REPS2: variants seen among roughly 807,000 people sequenced by gnomAD.
The protein encoded by REPS2 is RALBP1 associated Eps domain containing 2.
A neutral mutation model predicts 53.6 loss-of-function variants in REPS2; 23 were observed. The observed-to-expected ratio is 0.43, with a 90% CI of 0.31 to 0.61. REPS2 has a LOEUF of 0.61. Among genes scored for constraint, REPS2 ranks in the 20% least tolerant of loss-of-function variants. The pLI is 0.11. For missense variants in REPS2, 446 were observed against 534.9 expected (o/e 0.83, Z 1.64); for synonymous variants, 238 against 218.6 (o/e 1.09, Z -0.78).
chrX:17,062,871 C>A (rs2062176357), intron 9 of REPS2, among the ~76,000 whole-genome samples: 1 of 111,985 alleles, frequency 8.9e-6, no homozygotes, highest in East Asian at 2.8e-4. Context: ...AGCTTTAATT[C>A]CCTAGTAAAC....
chrX:16,968,667 C>T (rs2060820816), intron 1 of REPS2, among the ~76,000 whole-genome samples: 2 of 104,321 alleles, frequency 1.9e-5, no homozygotes, highest in South Asian at 4.4e-4. Context: ...CACCTCCCTC[C>T]CAGACGGGGC....
chrX:16,963,412 A>G (rs2060691003), intron 1 of REPS2, among the ~76,000 whole-genome samples: 1 of 112,808 alleles, frequency 8.9e-6, no homozygotes, highest in Admixed American at 9.4e-5. Flanking sequence ...GTAATGTACT[A>G]CATAAAAATA....
intron 14 of REPS2, among the ~76,000 whole-genome samples, chrX:17,109,862 T>C (rs2062935789): frequency 8.9e-6 from 1 of 112,734 alleles, no homozygotes; most frequent in African/African-American, 3.2e-5. Context: ...TAGACACAAC[T>C]TTTTATAAAA....
chrX:17,013,624 CTGTGTGTGTGTGTG>C (rs10559340), intron 2 of REPS2, among the ~76,000 whole-genome samples: 10 of 100,188 alleles, frequency 1.0e-4, no homozygotes, highest in Non-Finnish European at 2.0e-4. Context: ...GTAGCTGGCT[CTGTGTGTGTGTGTG>C]TGTGTGTGTG....
intron 1 of REPS2, among the ~76,000 whole-genome samples, chrX:16,994,784 AC>A (rs1331375269): frequency 9.0e-6 from 1 of 111,636 alleles, no homozygotes; most frequent in Non-Finnish European, 1.9e-5. Context: ...GTAACCAAAT[AC>A]CATCTGTTCC....
the REPS2 span, among the ~76,000 whole-genome samples, chrX:17,176,626 A>G: frequency 1.1e-4 from 12 of 112,224 alleles, no homozygotes; most frequent in Non-Finnish European, 1.9e-4. Context: ...AACCCATCCT[A>G]CACTTCATTT....
chrX:17,054,806 A>G lies in REPS2; in HGVS notation c.972-2A>G. The G allele has an allele frequency of 8.3e-7, 1 of 1,210,059 alleles. No homozygotes were observed. Among genetic ancestry groups the G allele is most frequent in the Non-Finnish European group, 1.1e-6 (1 of 894,682 alleles). Reference sequence around the variant, plus strand: ...GGTACTCATGACATTTGTTTCATTTAGGGAGCTTAGTGATGCTGACTGTGA... The same window carrying G: ...GGTACTCATGACATTTGTTTCATTTGGGGAGCTTAGTGATGCTGACTGTGA... On this transcript the variant is annotated splice_acceptor_variant, in intron 7 of 17. Transcript: ENST00000357277. LOFTEE classifies it high-confidence loss of function.
chrX:17,059,996 A>AAGAGTCTCCTTTTGATAGTTTCATCC (rs2062136028), intron 8 of REPS2, among the ~76,000 whole-genome samples: 1 of 112,125 alleles, frequency 8.9e-6, no homozygotes, highest in Non-Finnish European at 1.9e-5. Flanking sequence ...TAGTTTCATC[A>AAGAGTCTCCTTTTGATAGTTTCATCC]AAAGTCTCCT....
At chrX:16,985,075 G>T (rs752836507) in intron 1 of REPS2, among the ~76,000 whole-genome samples, 1 of 111,484 alleles carries the variant, frequency 9.0e-6, no homozygotes, top group Non-Finnish European at 1.9e-5. Flanking sequence ...TTAGAAAGGG[G>T]CTCAGTTTAT....
rs68090119 is a variant in REPS2, at chrX:16,953,100, AACACACACACACACACACAC to A, written c.273+5992_273+6011del. 8.5e-4 allele frequency among the ~76,000 whole-genome samples: 83 copies of A among 97,235 alleles called. 1 individual carries two copies. The highest frequency in any genetic ancestry group is 2.2e-3 in the East Asian group (7 of 3,149). 84.4% of individuals were successfully genotyped at this position (97,235 alleles called of 115,157 possible). On this transcript the variant is annotated intron_variant, in intron 1 of 17. Coordinates refer to ENST00000357277, the MANE Select transcript of REPS2 (RefSeq NM_004726.3). Reference sequence around the variant, plus strand: ...TCAAAAACAAACAAACCAAAAAACAAACACACACACACACACACACACACACACACACACACACACACACA... The same window carrying A: ...TCAAAAACAAACAAACCAAAAAACAAACACACACACACACACACACACACA...
At chrX:17,153,947 A>G (rs751958042), downstream of REPS2, among the ~76,000 whole-genome samples, 2 of 111,432 alleles carry the variant, frequency 1.8e-5, no homozygotes, top group Admixed American at 9.5e-5. Flanking sequence ...ATCTGAGATA[A>G]TCTATGCAAG....
intron 1 of REPS2, among the ~76,000 whole-genome samples, chrX:16,966,973 T>C (rs992952487): frequency 1.8e-4 from 20 of 112,335 alleles, no homozygotes; most frequent in African/African-American, 6.1e-4. Context: ...TCTTGTGTAT[T>C]GGAAGACTTG....
chrX:17,004,924 C>T (rs1367279279), intron 1 of REPS2, among the ~76,000 whole-genome samples: 2 of 109,843 alleles, frequency 1.8e-5, no homozygotes, highest in Non-Finnish European at 3.8e-5. Context: ...TAGTCTTGAA[C>T]TCTTGGCCTC....
downstream of REPS2, among the ~76,000 whole-genome samples, chrX:17,157,712 GCCTTCTCTCC>G (rs2063625044): frequency 8.9e-6 from 1 of 112,205 alleles, no homozygotes. Context: ...AGAGCCCTCA[GCCTTCTCTCC>G]CTTTCTCTCA....
At chrX:17,184,094 T>C in the REPS2 span, among the ~76,000 whole-genome samples, 522 of 109,131 alleles carry the variant, frequency 4.8e-3, 6 homozygotes, top group African/African-American at 0.016. Context: ...TAGTTACATA[T>C]GTATACATGT....
intron 5 of REPS2, among the ~76,000 whole-genome samples, chrX:17,040,806 C>T (rs756584092): frequency 2.7e-5 from 3 of 111,929 alleles, no homozygotes; most frequent in South Asian, 7.4e-4. Context: ...AGATTGTCTG[C>T]ATAGATAATC....
chrX:17,025,095 T>C lies in REPS2; in HGVS notation c.583T>C (p.Ser195Pro), dbSNP rs1204569364. The C allele has an allele frequency of 1.5e-5, 18 of 1,209,640 alleles. No homozygotes were observed. The highest frequency in any genetic ancestry group is 1.6e-5 in the Non-Finnish European group (14 of 895,066). ...TQSPTMSPLA[S>P]PPSSPPHYQR... ...GTCTCCCACGATGTCACCCCTCGCC[T>C]CCCCTCCTTCTTCCCCGCCTCATTA... is the stretch of plus-strand genomic sequence containing the variant. The change falls in exon 4 of 18, where the codon TCC (serine) becomes CCC (proline). Residue 195 changes from serine (S) to proline (P), a missense_variant. Coordinates refer to ENST00000357277, the MANE Select transcript of REPS2 (RefSeq NM_004726.3).
chrX:17,186,520 C>A, the REPS2 span, among the ~76,000 whole-genome samples: 2 of 112,137 alleles, frequency 1.8e-5, no homozygotes, highest in African/African-American at 6.5e-5. Context: ...TTTCAACTCA[C>A]ATTTGTCTCA....
At chrX:17,102,549 C>CACCA (rs1223862161) in intron 13 of REPS2, among the ~76,000 whole-genome samples, 1 of 112,008 alleles carries the variant, frequency 8.9e-6, no homozygotes, top group Non-Finnish European at 1.9e-5. Flanking sequence ...GGAGTTTTAA[C>CACCA]CCACCGATGT....
Sources: gnomAD v4.1 joint callset for allele counts (sites outside exome capture counted in the v4.1 genomes callset) on GRCh38, gnomAD v4.1.1 for gene constraint, MANE v1.5 for transcripts, NCBI Gene and HGNC (gene_info 2026-07-23, HGNC 2026-07-21) for gene names.